Variants in EIF4G3 observed in about 807,000 individuals in gnomAD.
The protein encoded by EIF4G3 is eukaryotic translation initiation factor 4 gamma 3.
EIF4G3 carries 34 observed loss-of-function variants against 186.4 expected under a neutral mutation model. The ratio of observed to expected loss-of-function variants is 0.18; its 90% confidence interval spans 0.14 to 0.24. The LOEUF (loss-of-function observed/expected upper bound fraction) is 0.24, where lower values mean the gene tolerates loss of function less well. Ranked by LOEUF, EIF4G3 falls within the 10% of genes least tolerant of loss-of-function variation. The pLI is 1.00. For missense variants in EIF4G3, 1,536 were observed against 1,948.5 expected (o/e 0.79, Z 3.99); for synonymous variants, 673 against 679.5 (o/e 0.99, Z 0.15).
intron 12 of EIF4G3, among the ~76,000 whole-genome samples, chr1:20,953,467 T>C (rs1015680574): frequency 2.0e-5 from 3 of 152,230 alleles, no homozygotes; most frequent in South Asian, 4.1e-4. Context: ...ATTTAAAGTA[T>C]TGACCTCAAG....
chr1:20,898,981 C>T (rs2089414318), intron 16 of EIF4G3, among the ~76,000 whole-genome samples: 1 of 152,190 alleles, frequency 6.6e-6, no homozygotes, highest in African/African-American at 2.4e-5. Context: ...CCGCCCGCCT[C>T]GGCCTCCCTA....
At chr1:20,831,033 C>G (rs745415587) in intron 30 of EIF4G3, among the ~76,000 whole-genome samples, 1 of 152,204 alleles carries the variant, frequency 6.6e-6, no homozygotes, top group African/African-American at 2.4e-5. Flanking sequence ...TGAAACAGAG[C>G]TACATCATAC....
intron 2 of EIF4G3, among the ~76,000 whole-genome samples, chr1:21,113,559 A>G (rs1478654299): frequency 2.6e-5 from 4 of 152,132 alleles, no homozygotes; most frequent in Admixed American, 6.5e-5. Context: ...AAATGAATCA[A>G]CTTTCCATGT....
At chr1:21,041,519 A>G (rs567784430) in intron 4 of EIF4G3, among the ~76,000 whole-genome samples, 29 of 152,242 alleles carry the variant, frequency 1.9e-4, no homozygotes, top group Non-Finnish European at 7.3e-5. Flanking sequence ...AGGCATGTGA[A>G]AATTTGAAAC....
intron 3 of EIF4G3, chr1:21,073,767 G>C (rs2095509173): frequency 2.4e-6 from 1 of 425,000 alleles, no homozygotes; most frequent in African/African-American, 2.0e-5. Context: ...TCACATGCTG[G>C]ATCATTCTGA....
chr1:21,010,996 T>C (rs1021797388), intron 4 of EIF4G3, among the ~76,000 whole-genome samples: 1 of 152,162 alleles, frequency 6.6e-6, no homozygotes, highest in African/African-American at 2.4e-5. Flanking sequence ...AATATTTTCG[T>C]AAAATAAATA....
chr1:20,819,296 C>CT (rs1324647011), intron 33 of EIF4G3, among the ~76,000 whole-genome samples: 4 of 150,792 alleles, frequency 2.7e-5, no homozygotes, highest in Non-Finnish European at 1.5e-5. Context: ...ATTATTTTGC[C>CT]TTTTTTTTCT....
chr1:21,009,535 G>A lies in EIF4G3; in HGVS notation c.-66-6727C>T, dbSNP rs752435134. ...GGTACAAATTAATTGAGAGAAACTC[G>A]TTCACCTAACAAATGTTTGACACTT... On this transcript the variant is annotated intron_variant, in intron 4 of 36. Coordinates refer to ENST00000602326, the MANE Select transcript of EIF4G3 (RefSeq NM_001391906.1). Among the ~76,000 whole-genome samples, 103 of 151,814 alleles carry A rather than the reference G, an allele frequency of 6.8e-4. 1 individual carries two copies. Among genetic ancestry groups the A allele is most frequent in the East Asian group, 5.8e-4 (3 of 5,142 alleles).
intron 2 of EIF4G3, among the ~76,000 whole-genome samples, chr1:21,112,994 A>T (rs1255737000): frequency 6.6e-6 from 1 of 152,100 alleles, no homozygotes; most frequent in Non-Finnish European, 1.5e-5. Context: ...TCAGAAACAT[A>T]TAAATATTTA....
intron 22 of EIF4G3, among the ~76,000 whole-genome samples, chr1:20,863,389 A>AGG (rs1421421140): frequency 2.8e-5 from 1 of 35,718 alleles, no homozygotes; most frequent in Non-Finnish European, 7.2e-5. Flanking sequence ...AAAAAAAAAA[A>AGG]AAAAAAAAAA....
chr1:21,135,786 T>A (rs2097229482), intron 2 of EIF4G3, among the ~76,000 whole-genome samples: 2 of 152,180 alleles, frequency 1.3e-5, no homozygotes, highest in South Asian at 4.1e-4. Context: ...CCCAGACATA[T>A]AATCAATCAT....
At chr1:20,981,613 TATGTATACATAC>T (rs1361310867) in intron 8 of EIF4G3, among the ~76,000 whole-genome samples, 1 of 120,776 alleles carries the variant, frequency 8.3e-6, no homozygotes, top group African/African-American at 3.2e-5. Context: ...GCACATACTG[TATGTATACATAC>T]ATGTATACGC....
At position 20,849,046 on chromosome 1, in the gene EIF4G3, CAAAAAAAAAAAA is replaced by C. The variant is rs60344352; in HGVS notation, c.3888+357_3888+368del. Reference sequence around the variant, plus strand: ...TGGGCAACACAGCAAGACTCTGTCTCAAAAAAAAAAAAAAAAAAAAAAAAAAAAAGACCATGA... The same window carrying C: ...TGGGCAACACAGCAAGACTCTGTCTCAAAAAAAAAAAAAAAAAGACCATGA... On this transcript the variant is annotated intron_variant, in intron 29 of 36. Coordinates refer to ENST00000602326, the MANE Select transcript of EIF4G3 (RefSeq NM_001391906.1). Among the ~76,000 whole-genome samples, 7 of 17,398 alleles carry C rather than the reference CAAAAAAAAAAAA, an allele frequency of 4.0e-4. 1 individual carries two copies. Among genetic ancestry groups the C allele is most frequent in the Non-Finnish European group, 5.2e-4 (4 of 7,752 alleles). 11.4% of individuals were successfully genotyped at this position (17,398 alleles called of 152,430 possible). A position where few individuals can be genotyped will look rare whatever the true frequency, so the allele number is the denominator to read the frequency against.
intron 4 of EIF4G3, among the ~76,000 whole-genome samples, chr1:21,003,178 T>C (rs1326938000): frequency 1.3e-5 from 2 of 149,826 alleles, no homozygotes; most frequent in African/African-American, 2.5e-5. Context: ...TTTCTTTTTT[T>C]TTTTTTTTTT....
At chr1:20,928,395 CCAT>C (rs1215020346) in intron 14 of EIF4G3, among the ~76,000 whole-genome samples, 1 of 152,028 alleles carries the variant, frequency 6.6e-6, no homozygotes, top group Non-Finnish European at 1.5e-5. Context: ...GGTGGCACCA[CCAT>C]ATCATACTCA....
At chr1:20,991,126 A>G (rs2081003201) in intron 7 of EIF4G3, among the ~76,000 whole-genome samples, 1 of 152,186 alleles carries the variant, frequency 6.6e-6, no homozygotes, top group Non-Finnish European at 1.5e-5. Flanking sequence ...TATAATGGAG[A>G]TTATTCCATT....
rs533863644 is a variant in EIF4G3, at chr1:20,880,810, G to A, written c.2425-1290C>T. Among the ~76,000 whole-genome samples, 201 of 152,246 alleles carry A rather than the reference G, an allele frequency of 1.3e-3. 1 individual carries two copies. Among genetic ancestry groups the A allele is most frequent in the Middle Eastern group, 6.8e-3 (2 of 294 alleles). On this transcript the variant is annotated intron_variant, in intron 19 of 36. Transcript: ENST00000602326. ...TAAATCACTGATGAAGGAAATCAAAGAGGGCTTAAATAAATGAAGATATAT... is the reference window on the plus strand; with the variant it reads ...TAAATCACTGATGAAGGAAATCAAAAAGGGCTTAAATAAATGAAGATATAT...
intron 18 of EIF4G3, among the ~76,000 whole-genome samples, chr1:20,890,148 T>A (rs2154555392): frequency 6.6e-6 from 1 of 152,154 alleles, no homozygotes; most frequent in East Asian, 1.9e-4. Flanking sequence ...AATTTTCACA[T>A]TTTTAGTAGA....
At chr1:21,065,397 C>CAAAA (rs3081969) in intron 3 of EIF4G3, among the ~76,000 whole-genome samples, 14 of 124,076 alleles carry the variant, frequency 1.1e-4, no homozygotes, top group South Asian at 2.7e-4. Flanking sequence ...TTGTTTCTAC[C>CAAAA]AAAAAAAAAA....
Sources: gnomAD v4.1 joint callset for allele counts (sites outside exome capture counted in the v4.1 genomes callset) on GRCh38, gnomAD v4.1.1 for gene constraint, MANE v1.5 for transcripts, NCBI Gene and HGNC (gene_info 2026-07-23, HGNC 2026-07-21) for gene names.